The following CASC3 variants were observed in gnomAD, a reference collection of about 807,000 sequenced individuals.
CASC3 encodes CASC3 exon junction complex subunit, also known as protein CASC3.
A neutral mutation model predicts 80.5 loss-of-function variants in CASC3; 30 were observed. The observed-to-expected ratio is 0.37, with a 90% CI of 0.28 to 0.51. The LOEUF (loss-of-function observed/expected upper bound fraction) is 0.51, where lower values mean the gene tolerates loss of function less well. Ranked by LOEUF, CASC3 falls within the 20% of genes least tolerant of loss-of-function variation. CASC3 has a pLI of 0.94. For synonymous variants in CASC3, 312 were observed against 333.6 expected, an observed-to-expected ratio of 0.94 and a Z score of 0.70; for missense variants, 824 against 922.2, an observed-to-expected ratio of 0.89 and a Z score of 1.38.
chr17:40,163,790 A>G lies in CASC3; in HGVS notation c.1095A>G (p.Glu365=), dbSNP rs1296441196. The change falls in exon 7 of 14, where the codon GAA becomes GAG. Residue 365 remains glutamate (E), a synonymous_variant. Coordinates refer to ENST00000264645, the MANE Select transcript of CASC3 (RefSeq NM_007359.5). Reference sequence around the variant, plus strand: ...CTTCTGTGAGGGATCCATCTCCAGAAGCAGATGCTCCAGTGCTTGGCAGTC... The same window carrying G: ...CTTCTGTGAGGGATCCATCTCCAGAGGCAGATGCTCCAGTGCTTGGCAGTC... ...EQTSVRDPSP[E]ADAPVLGSPE... is the part of the protein sequence containing the mutation. The G allele has an allele frequency of 6.2e-7, 1 of 1,614,184 alleles. No individual in the cohort carries two copies. Among genetic ancestry groups the G allele is most frequent in the East Asian group, 2.2e-5 (1 of 44,886 alleles).
At chr17:40,152,716 C>T (rs117247599) in intron 3 of CASC3, among the ~76,000 whole-genome samples, 487 of 152,244 alleles carry the variant, frequency 3.2e-3, no homozygotes, top group South Asian at 6.0e-3. Flanking sequence ...CCTCCAGCCT[C>T]AGCTTCCCAA....
At position 40,167,606 on chromosome 17, in the gene CASC3, G is replaced by T; in HGVS notation, c.1645G>T (p.Asp549Tyr). Residue 549 changes from aspartate to tyrosine, a missense_variant, in exon 9 of 14, where the codon GAT becomes TAT. Physicochemically the swap from Asp to Tyr is radical, Grantham distance 160. Transcript: ENST00000264645. Reference sequence around the variant, plus strand: ...CAGTATCATGGAGGGACATTACTATGATCCACGTGAGTTTTTTCTTACTGT... The same window carrying T: ...CAGTATCATGGAGGGACATTACTATTATCCACGTGAGTTTTTTCTTACTGT... The part of the protein sequence containing the change: ...HISIMEGHYY[D>Y]PLQFQGPIYT... The T allele has an allele frequency of 6.2e-7, 1 of 1,611,288 alleles. No homozygotes were observed. Among genetic ancestry groups the T allele is most frequent in the Non-Finnish European group, 8.5e-7 (1 of 1,177,560 alleles).
At chr17:40,141,710 CT>C in intron 3 of CASC3, 103 bp downstream of exon 3, 1 of 845,720 alleles carries the variant, frequency 1.2e-6, no homozygotes, top group Non-Finnish European at 2.0e-6. Flanking sequence ...TGTTTATCCT[CT>C]TGTGTATTCT....
At chr17:40,168,142 C>T (rs563662143) in intron 10 of CASC3, 61 bp from the exon 11 acceptor site, 206 of 1,480,982 alleles carry the variant, frequency 1.4e-4, no homozygotes, top group Admixed American at 2.0e-4. Context: ...GCAGTCCAGC[C>T]GGGCCATCCT....
At chr17:40,149,076 A>G (rs1242087571) in intron 3 of CASC3, among the ~76,000 whole-genome samples, 1 of 151,704 alleles carries the variant, frequency 6.6e-6, no homozygotes, top group African/African-American at 2.4e-5. Context: ...CGGTTTTACC[A>G]TGTTGGCCAG....
At chr17:40,156,228 A>T (rs1989142298) in intron 3 of CASC3, among the ~76,000 whole-genome samples, 1 of 152,164 alleles carries the variant, frequency 6.6e-6, no homozygotes, top group Admixed American at 6.5e-5. Context: ...TGAGGAGGAA[A>T]AACTTCATGT....
Position 40,170,827 on chromosome 17 carries a change from ATTATT to A in CASC3, c.*426_*430del. 9 of 984,606 alleles carry A rather than the reference ATTATT, an allele frequency of 9.1e-6. No individual in the cohort carries two copies. Among genetic ancestry groups the A allele is most frequent in the Non-Finnish European group, 1.1e-5 (9 of 829,198 alleles). The allele number at this position is 984,606 out of a possible 1,614,324, so 61.0% of individuals were successfully genotyped here. ...TAAAGCCTGGCTTCTTATCCTTAAT[ATTATT>A]TTAATTTTTTCTCTTTGTTTCTGTT... On this transcript the variant is annotated 3_prime_UTR_variant, in exon 14 of 14. Coordinates refer to ENST00000264645, the MANE Select transcript of CASC3 (RefSeq NM_007359.5).
Position 40,169,428 on chromosome 17 carries a change from C to G in CASC3, c.2070C>G (p.Ile690Met), listed in dbSNP as rs1324417379. 1 of 1,610,490 alleles carries G rather than the reference C, an allele frequency of 6.2e-7. No homozygotes were observed. The highest frequency in any genetic ancestry group is 8.5e-7 in the Non-Finnish European group (1 of 1,178,664). ...PPRRTPQPVTIKPPPPEVVSR... is the reference protein window; with the variant it reads ...PPRRTPQPVTMKPPPPEVVSR... ...GGAGGACTCCCCAGCCAGTCACCAT[C>G]AAGCCCCCTCCACCTGAGGTATGAG... Residue 690 changes from isoleucine (I) to methionine (M), a missense_variant, in exon 12 of 14, where the codon ATC becomes ATG. By Grantham distance (10) the Ile-to-Met change is conservative (BLOSUM62 1). This residue lies in a region of CASC3 where 464 missense variants were observed against 506.0 expected (regional missense o/e 0.92). Coordinates refer to ENST00000264645, the MANE Select transcript of CASC3 (RefSeq NM_007359.5).
At position 40,167,881 on chromosome 17, in the gene CASC3, T is replaced by C. The variant is rs978537925; in HGVS notation, c.1683T>C (p.Gly561=). 1.9e-6 allele frequency: 3 copies of C among 1,614,192 alleles called. No individual in the cohort carries two copies. Among genetic ancestry groups the C allele is most frequent in the Non-Finnish European group, 1.7e-6 (2 of 1,180,016 alleles). ...TCCAGGGACCAATCTATACCCATGG[T>C]GACAGCCCTGCCCCGCTGCCTCCAC... ...LQFQGPIYTH[G]DSPAPLPPQG... The change falls in exon 10 of 14, where the codon GGT becomes GGC. Residue 561 remains glycine, a synonymous_variant. Coordinates refer to ENST00000264645, the MANE Select transcript of CASC3 (RefSeq NM_007359.5).
At chr17:40,168,723 T>G in intron 11 of CASC3, 1 of 347,464 alleles carries the variant, frequency 2.9e-6, no homozygotes, top group Non-Finnish European at 5.5e-6. Context: ...CCCGAGTAGC[T>G]GGGATTACAG....
At chr17:40,163,010 C>A in intron 6 of CASC3, 109 bp downstream of exon 6, 3 of 900,614 alleles carry the variant, frequency 3.3e-6, no homozygotes, top group Non-Finnish European at 5.1e-6. Context: ...TGCTTGAGGC[C>A]AGGAGTTCAA....
Position 40,169,321 on chromosome 17 carries a change from C to T in CASC3, c.1966-3C>T. On this transcript the variant is annotated splice_region_variant and splice_polypyrimidine_tract_variant and intron_variant, in intron 11 of 13. Transcript: ENST00000264645. Reference sequence around the variant, plus strand: ...TTTCTTCTCCTGGCTTGTGGGGTCCCAGGCCCCATCACAGGTATATGGAGG... The same window carrying T: ...TTTCTTCTCCTGGCTTGTGGGGTCCTAGGCCCCATCACAGGTATATGGAGG... 1.3e-6 allele frequency: 2 copies of T among 1,578,378 alleles called. No homozygotes were observed. Among genetic ancestry groups the T allele is most frequent in the South Asian group, 1.2e-5 (1 of 86,360 alleles).
At chr17:40,168,565 G>A (rs773813504) in intron 11 of CASC3, 148 bp downstream of exon 11, 22 of 695,646 alleles carry the variant, frequency 3.2e-5, no homozygotes, top group Admixed American at 8.0e-5. Context: ...TTAGTGGTCA[G>A]GAGCTGGAAA....
At chr17:40,162,270 C>T (rs1262764703) in intron 5 of CASC3, 117 bp downstream of exon 5, 15 of 1,112,404 alleles carry the variant, frequency 1.3e-5, no homozygotes, top group Admixed American at 2.8e-5. Flanking sequence ...TTATGATTAT[C>T]CTTATCGTAC....
At chr17:40,159,421 G>A (rs182215263) in intron 3 of CASC3, among the ~76,000 whole-genome samples, 74 of 152,176 alleles carry the variant, frequency 4.9e-4, no homozygotes, top group Middle Eastern at 3.4e-3. Context: ...TGTTGTCCAG[G>A]TTGGAGTGCA....
intron 3 of CASC3, among the ~76,000 whole-genome samples, chr17:40,151,325 C>T (rs994452259): frequency 6.6e-6 from 1 of 152,102 alleles, no homozygotes; most frequent in Admixed American, 6.6e-5. Flanking sequence ...GATTCTCGTT[C>T]GTCAGCCTCC....
intron 8 of CASC3, 78 bp downstream of exon 8, chr17:40,166,939 G>T (rs1989464399): frequency 2.9e-6 from 3 of 1,042,642 alleles, no homozygotes; most frequent in Non-Finnish European, 4.2e-6. Flanking sequence ...CCAAGATAAG[G>T]TCTTTTTTTT....
intron 6 of CASC3, 122 bp downstream of exon 6, chr17:40,163,023 C>A: frequency 1.4e-6 from 1 of 739,876 alleles, no homozygotes; most frequent in Non-Finnish European, 2.2e-6. Flanking sequence ...GAGTTCAAGA[C>A]CAGCCTGGGG....
In CASC3 at chr17:40,162,863, T is replaced by G. The variant is rs1261166945; in HGVS notation, c.747T>G (p.Asn249Lys). ...GTTATGACATTCGCTCAGCTCATAA[T>G]CCTGATGACATCAAACCTCGAAGAA... ...LYGYDIRSAH[N>K]PDDIKPRRIR... Residue 249 changes from asparagine (N) to lysine (K), a missense_variant, in exon 6 of 14, where the codon AAT becomes AAG. Around this residue, in one of 3 missense-constraint regions of CASC3, gnomAD observed 201 missense variants for 294.1 expected, o/e 0.68. Coordinates refer to ENST00000264645, the MANE Select transcript of CASC3 (RefSeq NM_007359.5). The G allele has an allele frequency of 1.9e-6, 3 of 1,613,928 alleles. No individual in the cohort carries two copies. The highest frequency in any genetic ancestry group is 2.5e-6 in the Non-Finnish European group (3 of 1,179,978).
Sources: gnomAD v4.1 joint callset for allele counts (sites outside exome capture counted in the v4.1 genomes callset) on GRCh38, gnomAD v4.1.1 for gene constraint, gnomAD v4.1.1 regional missense constraint, MANE v1.5 for transcripts, NCBI Gene and HGNC (gene_info 2026-07-23, HGNC 2026-07-21) for gene names.